Variants in TMEM266 observed in about 807,000 individuals in gnomAD.
The protein encoded by TMEM266 is transmembrane protein 266, also known as Hv1 related protein 1.
In TMEM266, 33 loss-of-function variants were observed where a neutral mutation model predicts 50.5. That is an observed-to-expected ratio of 0.65 (90% CI 0.50 to 0.87). TMEM266 has a LOEUF of 0.87. TMEM266 is among the 40% of genes least tolerant of loss of function. The pLI, the probability that TMEM266 is intolerant of heterozygous loss-of-function variation, is 0.00. For missense variants in TMEM266, 655 were observed against 695.1 expected (o/e 0.94, Z 0.65); for synonymous variants, 310 against 292.3 (o/e 1.06, Z -0.62).
At chr15:76,104,205 C>CAAAAAAAA (rs55768096) in intron 1 of TMEM266, among the ~76,000 whole-genome samples, 1 of 147,150 alleles carries the variant, frequency 6.8e-6, no homozygotes, top group Non-Finnish European at 1.5e-5. Context: ...GATTCTGTCT[C>CAAAAAAAA]AAAAAAAAAA....
intron 1 of TMEM266, among the ~76,000 whole-genome samples, chr15:76,089,444 C>T (rs2036819881): frequency 6.6e-6 from 1 of 152,078 alleles, no homozygotes; most frequent in South Asian, 2.1e-4. Context: ...CTGCCCGCCT[C>T]AGCCTCCCAA....
At chr15:76,068,695 G>C (rs1307507447) in intron 1 of TMEM266, among the ~76,000 whole-genome samples, 1 of 152,222 alleles carries the variant, frequency 6.6e-6, no homozygotes, top group Non-Finnish European at 1.5e-5. Context: ...AAGCCAGGAA[G>C]AGAGCCCTTA....
chr15:76,151,275 A>G (rs185811928), intron 3 of TMEM266, among the ~76,000 whole-genome samples: 7 of 152,362 alleles, frequency 4.6e-5, no homozygotes, highest in African/African-American at 1.4e-4. Context: ...CCCTTGAGTC[A>G]TTACTGAACC....
rs564053302 is a variant in TMEM266, at chr15:76,148,059, C to A, written c.228-8545C>A. ...ATATCCGTCCGTCCCCACCTGCTCA[C>A]AAGGCGCAGGGTGTACAGCGGCGGG... is the stretch of plus-strand genomic sequence containing the variant. On this transcript the variant is annotated intron_variant, in intron 3 of 10. Transcript: ENST00000388942. Among the ~76,000 whole-genome samples, 19 of 152,372 alleles carry A rather than the reference C, an allele frequency of 1.2e-4. No homozygotes were observed. In the East Asian group the frequency reaches 3.7e-3, roughly 29 times the overall value.
At chr15:76,098,483 C>T (rs2036953474) in intron 1 of TMEM266, among the ~76,000 whole-genome samples, 1 of 152,116 alleles carries the variant, frequency 6.6e-6, no homozygotes, top group South Asian at 2.1e-4. Context: ...TGCCAGATGC[C>T]AGCCAGAGCT....
chr15:76,183,909 C>T (rs1198739345), intron 8 of TMEM266, among the ~76,000 whole-genome samples: 3 of 152,180 alleles, frequency 2.0e-5, no homozygotes, highest in Admixed American at 1.3e-4. Context: ...CCGGAGCAGA[C>T]GTGGGAGGTG....
chr15:76,165,750 G>T (rs1165124623), intron 5 of TMEM266, among the ~76,000 whole-genome samples: 1 of 152,220 alleles, frequency 6.6e-6, no homozygotes, highest in Admixed American at 6.5e-5. Flanking sequence ...TCTGCTTTCA[G>T]TCCAGATCTG....
At chr15:76,108,004 C>T (rs1337217133) in intron 1 of TMEM266, among the ~76,000 whole-genome samples, 1 of 152,236 alleles carries the variant, frequency 6.6e-6, no homozygotes, top group Non-Finnish European at 1.5e-5. Context: ...TTTTCATTCT[C>T]TTCCTTTCTC....
In TMEM266 at chr15:76,184,359, G is replaced by A. The variant is rs2038464314; in HGVS notation, c.769-7609G>A. On this transcript the variant is annotated intron_variant, in intron 8 of 10. Coordinates refer to ENST00000388942, the MANE Select transcript of TMEM266 (RefSeq NM_152335.3). ...GAGGAATAACTTATGTTATCCTTTT[G>A]CCATAATTTAAATTTATGGCCAACT... Among the ~76,000 whole-genome samples the A allele has an allele frequency of 2.0e-5, 3 of 152,286 alleles. No homozygotes were observed. In the South Asian group the frequency reaches 6.2e-4, roughly 32 times the overall value.
chr15:76,124,865 A>T (rs984865171), intron 1 of TMEM266, among the ~76,000 whole-genome samples: 2 of 152,082 alleles, frequency 1.3e-5, no homozygotes, highest in Non-Finnish European at 2.9e-5. Flanking sequence ...GTATGGAACC[A>T]CAAAAGACCC....
chr15:76,134,267 G>A lies in TMEM266; in HGVS notation c.4G>A (p.Ala2Thr), dbSNP rs749288406. ...CCACTAAACACCAAGAAAACCCATG[G>A]CTGTGGCTCCATCTTTCAACATGAC... The change falls in exon 2 of 11, where the codon GCT (alanine) becomes ACT (threonine). Residue 2 changes from alanine (A) to threonine (T), a missense_variant. This residue lies in a region of TMEM266 where 99 missense variants were observed against 110.8 expected (regional missense o/e 0.89). Coordinates refer to ENST00000388942, the MANE Select transcript of TMEM266 (RefSeq NM_152335.3). 2 of 1,614,048 alleles carry A rather than the reference G, an allele frequency of 1.2e-6. No individual in the cohort carries two copies. Among genetic ancestry groups the A allele is most frequent in the Non-Finnish European group, 1.7e-6 (2 of 1,179,954 alleles).
At chr15:76,104,395 C>T (rs1457032920) in intron 1 of TMEM266, among the ~76,000 whole-genome samples, 6 of 152,218 alleles carry the variant, frequency 3.9e-5, no homozygotes, top group Non-Finnish European at 8.8e-5. Flanking sequence ...CACATATGAG[C>T]AGGGGCTACC....
intron 8 of TMEM266, among the ~76,000 whole-genome samples, chr15:76,191,022 T>A (rs2038559983): frequency 6.6e-6 from 1 of 152,206 alleles, no homozygotes; most frequent in Non-Finnish European, 1.5e-5. Context: ...AGATGTCCCA[T>A]GAAGGCCTTG....
chr15:76,115,271 C>T (rs2037230577), intron 1 of TMEM266, among the ~76,000 whole-genome samples: 2 of 152,190 alleles, frequency 1.3e-5, no homozygotes, highest in Admixed American at 6.5e-5. Flanking sequence ...CATAGGGAAC[C>T]GTCAAGTTGC....
chr15:76,166,441 GCCTCCGAGGATGGGTC>G (rs2038098077), intron 5 of TMEM266, among the ~76,000 whole-genome samples: 1 of 152,224 alleles, frequency 6.6e-6, no homozygotes, highest in South Asian at 2.1e-4. Context: ...CTCAAGCCAG[GCCTCCGAGGATGGGTC>G]CCCTGCGGAT....
intron 1 of TMEM266, among the ~76,000 whole-genome samples, chr15:76,100,975 A>C (rs1196934336): frequency 6.6e-6 from 1 of 152,066 alleles, no homozygotes; most frequent in African/African-American, 2.4e-5. Flanking sequence ...TCATCAAAGC[A>C]ATATGTGTTC....
intron 1 of TMEM266, among the ~76,000 whole-genome samples, chr15:76,065,257 C>T (rs1034878795): frequency 1.3e-5 from 2 of 152,156 alleles, no homozygotes; most frequent in Non-Finnish European, 2.9e-5. Context: ...CTGTCAGTTT[C>T]TATGCAAGGC....
intron 8 of TMEM266, among the ~76,000 whole-genome samples, chr15:76,188,141 C>G (rs540341203): frequency 6.8e-6 from 1 of 147,636 alleles, no homozygotes; most frequent in Non-Finnish European, 1.5e-5. Context: ...AACTGATAAT[C>G]CTTTAAAAAT....
At chr15:76,072,693 A>G (rs952322619) in intron 1 of TMEM266, among the ~76,000 whole-genome samples, 6 of 151,524 alleles carry the variant, frequency 4.0e-5, no homozygotes, top group Non-Finnish European at 7.4e-5. Flanking sequence ...GCTGGAGTGC[A>G]GTGGCATGAT....
Sources: gnomAD v4.1 joint callset for allele counts (sites outside exome capture counted in the v4.1 genomes callset) on GRCh38, gnomAD v4.1.1 for gene constraint, gnomAD v4.1.1 regional missense constraint, MANE v1.5 for transcripts, NCBI Gene and HGNC (gene_info 2026-07-23, HGNC 2026-07-21) for gene names.